Variants in BPIFB4 observed in about 807,000 individuals in gnomAD.
BPIFB4 encodes BPI fold-containing family B member 4.
In BPIFB4, 62 loss-of-function variants were observed where a neutral mutation model predicts 69.2. The ratio of observed to expected loss-of-function variants is 0.90; its 90% CI spans 0.73 to 1.11. The LOEUF is 1.11. BPIFB4 is among the 50% of genes least tolerant of loss of function. BPIFB4 has a pLI of 0.00. For missense variants in BPIFB4, 789 were observed against 792.0 expected (o/e 1.00, Z 0.04); for synonymous variants, 330 against 332.7 (o/e 0.99, Z 0.09).
Position 33,086,127 on chromosome 20 carries a change from A to G in BPIFB4, c.889A>G (p.Thr297Ala). Residue 297 changes from threonine (T) to alanine (A), a missense_variant, in exon 7 of 18, where the codon ACC (threonine) becomes GCC (alanine). Coordinates refer to ENST00000375483, the MANE Select transcript of BPIFB4 (RefSeq NM_182519.3). ...YPRLVIERCD[T>A]LLGGIKVKLL... ...TCGGCTGGTCATTGAGCGATGTGACACCCTCCTAGGGGGCATCAAAGTCAA... is the reference window on the plus strand; with the variant it reads ...TCGGCTGGTCATTGAGCGATGTGACGCCCTCCTAGGGGGCATCAAAGTCAA... 1 of 1,612,942 alleles carries G rather than the reference A, an allele frequency of 6.2e-7. No homozygotes were observed. Among genetic ancestry groups the G allele is most frequent in the Non-Finnish European group, 8.5e-7 (1 of 1,179,170 alleles).
chr20:33,082,039 G>GA (rs1981246808), intron 3 of BPIFB4, among the ~76,000 whole-genome samples: 1 of 152,196 alleles, frequency 6.6e-6, no homozygotes, highest in African/African-American at 2.4e-5. Flanking sequence ...ATGACCTTTT[G>GA]AAAACTTAGC....
At position 33,083,762 on chromosome 20, in the gene BPIFB4, G is replaced by A. The variant is rs1600552580; in HGVS notation, c.565G>A (p.Gly189Ser). Residue 189 changes from glycine (G) to serine (S), a missense_variant, in exon 5 of 18, where the codon GGC (glycine) becomes AGC (serine). Transcript: ENST00000375483. ...AADGILAGQG[G>S]LLGGGGLLGD... ...TGATGGCATCCTCGCAGGCCAAGGT[G>A]GCCTGCTCGGCGGAGGTGGTCTCCT... is the stretch of plus-strand genomic sequence containing the variant. 1.2e-6 allele frequency: 2 copies of A among 1,613,888 alleles called. No individual in the cohort carries two copies. Among genetic ancestry groups the A allele is most frequent in the Non-Finnish European group, 1.7e-6 (2 of 1,179,908 alleles).
Position 33,083,005 on chromosome 20 carries a change from AGC to A in BPIFB4, c.169+6_169+7del. 6.3e-7 allele frequency: 1 copy of A among 1,590,288 alleles called. No homozygotes were observed. The highest frequency in any genetic ancestry group is 8.6e-7 in the Non-Finnish European group (1 of 1,166,052). ...CCCTGAGAGAGGTGCCCTTGGGTAA[AGC>A]CCGTGGTGATGGTGGTGGGCCTCTC... is the stretch of plus-strand genomic sequence containing the variant. On this transcript the variant is annotated splice_donor_region_variant and intron_variant, in intron 4 of 17. Coordinates refer to ENST00000375483, the MANE Select transcript of BPIFB4 (RefSeq NM_182519.3).
At chr20:33,111,060 C>T (rs1020449226) in intron 17 of BPIFB4, among the ~76,000 whole-genome samples, 2 of 151,842 alleles carry the variant, frequency 1.3e-5, no homozygotes, top group Admixed American at 6.6e-5. Context: ...AGGTGATCCA[C>T]CTGCCTCAGC....
In BPIFB4 at chr20:33,082,934, G is replaced by A; in HGVS notation, c.107-4G>A. Reference sequence around the variant, plus strand: ...CCTGGACTGATGCCCTTGCCTCTCTGCAGCCATTTCAGGCATGCTGCAGCA... The same window carrying A: ...CCTGGACTGATGCCCTTGCCTCTCTACAGCCATTTCAGGCATGCTGCAGCA... On this transcript the variant is annotated splice_polypyrimidine_tract_variant and splice_region_variant and intron_variant, in intron 3 of 17. Coordinates refer to ENST00000375483, the MANE Select transcript of BPIFB4 (RefSeq NM_182519.3). The A allele has an allele frequency of 6.2e-7, 1 of 1,613,042 alleles. No homozygotes were observed. The highest frequency in any genetic ancestry group is 8.5e-7 in the Non-Finnish European group (1 of 1,179,242).
At chr20:33,091,045 G>A (rs143131756) in intron 10 of BPIFB4, among the ~76,000 whole-genome samples, 102 of 152,318 alleles carry the variant, frequency 6.7e-4, no homozygotes, top group African/African-American at 2.4e-3. Context: ...TATCTTCACA[G>A]CAACCATATG....
At chr20:33,085,172 G>A (rs1355980105) in intron 6 of BPIFB4, among the ~76,000 whole-genome samples, 176 bp downstream of exon 6, 1 of 152,222 alleles carries the variant, frequency 6.6e-6, no homozygotes, top group Non-Finnish European at 1.5e-5. Flanking sequence ...CTGGGAGGCT[G>A]GGCTGGGAGT....
At chr20:33,081,717 C>T (rs927042183) in intron 3 of BPIFB4, 85 bp downstream of exon 3, 2 of 1,513,394 alleles carry the variant, frequency 1.3e-6, no homozygotes, top group Admixed American at 2.1e-5. Context: ...GAACCTCCTC[C>T]TGCTAGCAGA....
intron 9 of BPIFB4, among the ~76,000 whole-genome samples, chr20:33,089,809 G>A (rs1250291404): frequency 6.6e-6 from 1 of 152,216 alleles, no homozygotes; most frequent in African/African-American, 2.4e-5. Context: ...TCTGTCCTGG[G>A]AGTCAGGGGT....
chr20:33,102,200 G>A (rs1346418657), intron 14 of BPIFB4, among the ~76,000 whole-genome samples: 1 of 152,184 alleles, frequency 6.6e-6, no homozygotes, highest in Non-Finnish European at 1.5e-5. Flanking sequence ...GAGGGAGAGA[G>A]GCTGGGTAAG....
Position 33,084,877 on chromosome 20 carries a change from C to G in BPIFB4, c.678-15C>G, listed in dbSNP as rs757985483. On this transcript the variant is annotated splice_polypyrimidine_tract_variant and intron_variant, in intron 5 of 17. Transcript: ENST00000375483. ...TGGGGTGGCCGGCCTTCTCACCACTCTGTGTCCCGAGCAGGCTGCGTATCG... is the reference window on the plus strand; with the variant it reads ...TGGGGTGGCCGGCCTTCTCACCACTGTGTGTCCCGAGCAGGCTGCGTATCG... The G allele has an allele frequency of 1.8e-5, 29 of 1,603,532 alleles. 1 individual carries two copies. In the Middle Eastern group the frequency reaches 2.3e-3, roughly 127 times the overall value.
intron 17 of BPIFB4, among the ~76,000 whole-genome samples, chr20:33,109,110 T>C (rs546010494): frequency 6.6e-6 from 1 of 152,326 alleles, no homozygotes; most frequent in South Asian, 2.1e-4. Flanking sequence ...CTTGAGATCC[T>C]GTAGGACCTC....
intron 5 of BPIFB4, 123 bp downstream of exon 5, chr20:33,083,997 C>A: frequency 2.5e-6 from 3 of 1,209,702 alleles, no homozygotes; most frequent in Non-Finnish European, 2.2e-6. Context: ...CAGGGTTTGG[C>A]CTCAGGATTG....
At position 33,095,296 on chromosome 20, in the gene BPIFB4, G is replaced by C. The variant is rs1981726139; in HGVS notation, c.1398+143G>C. The C allele has an allele frequency of 1.1e-5, 10 of 896,762 alleles. No homozygotes were observed. The South Asian group carries it at 1.4e-4, about 13-fold the overall frequency. The allele number at this position is 896,762 out of a possible 1,614,324, so 55.6% of individuals were successfully genotyped here. On this transcript the variant is annotated intron_variant, in intron 12 of 17. Coordinates refer to ENST00000375483, the MANE Select transcript of BPIFB4 (RefSeq NM_182519.3). ...CTTGGGAGTGCAGTGACAGTGACAA[G>C]GGCTTGCAGGCTAGACCCCCATGGG...
intron 15 of BPIFB4, 24 bp downstream of exon 15, chr20:33,103,038 G>A: frequency 6.2e-7 from 1 of 1,611,098 alleles, no homozygotes; most frequent in Non-Finnish European, 8.5e-7. Flanking sequence ...TTAGTTCCCA[G>A]GGCAAGATCT....
Position 33,083,719 on chromosome 20 carries a change from T to G in BPIFB4, c.522T>G (p.Thr174=), listed in dbSNP as rs1279647931. 6.2e-7 allele frequency: 1 copy of G among 1,613,990 alleles called. No homozygotes were observed. Among genetic ancestry groups the G allele is most frequent in the East Asian group, 2.2e-5 (1 of 44,866 alleles). ...GAVGPGGLLG[T]GGMLAADGIL... is the part of the protein sequence containing the mutation. ...TGGGCCCAGGTGGTTTGCTGGGCAC[T>G]GGAGGCATGCTGGCAGCTGATGGCA... Residue 174 remains threonine (T), a synonymous_variant, in exon 5 of 18, where the codon ACT becomes ACG. Coordinates refer to ENST00000375483, the MANE Select transcript of BPIFB4 (RefSeq NM_182519.3).
chr20:33,103,930 C>T (rs1034357820), intron 15 of BPIFB4, among the ~76,000 whole-genome samples: 4 of 152,150 alleles, frequency 2.6e-5, no homozygotes, highest in Non-Finnish European at 4.4e-5. Context: ...ATGAAGCTAT[C>T]GAGATGGGCC....
chr20:33,094,950 C>A, intron 11 of BPIFB4, 150 bp from the exon 12 acceptor site: 3 of 739,420 alleles, frequency 4.1e-6, no homozygotes, highest in Non-Finnish European at 2.4e-6. Context: ...GCTGGGTAGG[C>A]AGGACTTCCC....
chr20:33,107,238 G>GAAAGA lies in BPIFB4; in HGVS notation c.1745-489_1745-485dup, dbSNP rs1189126760. Among the ~76,000 whole-genome samples the GAAAGA allele has an allele frequency of 6.8e-5, 9 of 132,430 alleles. No individual in the cohort carries two copies. In the East Asian group the frequency reaches 1.0e-3, roughly 15 times the overall value. The allele number at this position is 132,430 out of a possible 152,430, so 86.9% of individuals were successfully genotyped here. A position where few individuals can be genotyped will look rare whatever the true frequency, so the allele number is the denominator to read the frequency against. On this transcript the variant is annotated intron_variant, in intron 16 of 17. Coordinates refer to ENST00000375483, the MANE Select transcript of BPIFB4 (RefSeq NM_182519.3). ...TGAAAGAAAGAAGGAAGGAAGGAAG[G>GAAAGA]AAAGAAAAGAAAAGAAAAGAAGAGA... is the stretch of plus-strand genomic sequence containing the variant.
Sources: gnomAD v4.1 joint callset for allele counts (sites outside exome capture counted in the v4.1 genomes callset) on GRCh38, gnomAD v4.1.1 for gene constraint, MANE v1.5 for transcripts, NCBI Gene and HGNC (gene_info 2026-07-23, HGNC 2026-07-21) for gene names.